The following PTAFR variants were observed in gnomAD, a reference collection of about 807,000 sequenced individuals.
The protein encoded by PTAFR is platelet activating factor receptor.
Under a neutral mutation model 14.7 loss-of-function variants are expected in PTAFR, and 8 were observed. The observed-to-expected ratio is 0.54, with a 90% confidence interval of 0.32 to 0.98. PTAFR has a LOEUF of 0.98. Ranked by LOEUF, PTAFR falls within the 50% of genes least tolerant of loss-of-function variation. The pLI is 0.04. For synonymous variants in PTAFR, 156 were observed against 176.5 expected (o/e 0.88, Z 0.92); for missense variants, 337 against 451.2 (o/e 0.75, Z 2.29).
intron 1 of PTAFR, among the ~76,000 whole-genome samples, chr1:28,154,614 C>A (rs573325643): frequency 1.3e-5 from 2 of 152,064 alleles, no homozygotes; most frequent in Admixed American, 1.3e-4. Flanking sequence ...GAGTTCGAGA[C>A]CAGCCTGGGC....
chr1:28,175,649 C>T (rs1646504997), intron 1 of PTAFR, among the ~76,000 whole-genome samples: 1 of 151,940 alleles, frequency 6.6e-6, no homozygotes, highest in South Asian at 2.1e-4. Flanking sequence ...GTCCCCAGCA[C>T]CTGGGACCTG....
chr1:28,180,637 G>A (rs1018328257), upstream of PTAFR, among the ~76,000 whole-genome samples: 1 of 152,140 alleles, frequency 6.6e-6, no homozygotes, highest in African/African-American at 2.4e-5. Context: ...GTCTGGAGGA[G>A]AAAGCAGAAG....
chr1:28,192,777 G>A (rs1221756759), intron 1 of PTAFR, among the ~76,000 whole-genome samples: 2 of 151,862 alleles, frequency 1.3e-5, no homozygotes, highest in Non-Finnish European at 2.9e-5. Flanking sequence ...CTCCCAAGTA[G>A]CTGGGATTAC....
intron 1 of PTAFR, among the ~76,000 whole-genome samples, chr1:28,168,125 ATT>A (rs139930851): frequency 0.071 from 8,929 of 126,446 alleles, 713 homozygotes; most frequent in African/African-American, 0.21. Flanking sequence ...CACCCGGCTA[ATT>A]TTTTTTTTTT....
At chr1:28,163,496 G>C (rs1646348551) in intron 1 of PTAFR, among the ~76,000 whole-genome samples, 1 of 152,174 alleles carries the variant, frequency 6.6e-6, no homozygotes, top group Non-Finnish European at 1.5e-5. Flanking sequence ...GGGGTGGAGT[G>C]GGTTAGGGAG....
intron 1 of PTAFR, among the ~76,000 whole-genome samples, chr1:28,173,239 G>A (rs1223456306): frequency 1.4e-5 from 2 of 139,028 alleles, no homozygotes; most frequent in East Asian, 2.2e-4. Context: ...AGTGAGTCAC[G>A]ATCATGCCAC....
intron 1 of PTAFR, among the ~76,000 whole-genome samples, chr1:28,173,312 G>A (rs1259075029): frequency 1.1e-5 from 1 of 91,092 alleles, no homozygotes; most frequent in Non-Finnish European, 2.2e-5. Context: ...GGGGGGGTGT[G>A]CGGGGGGTGT....
intron 1 of PTAFR, among the ~76,000 whole-genome samples, chr1:28,172,626 T>C (rs1465644558): frequency 6.6e-6 from 1 of 152,180 alleles, no homozygotes; most frequent in Non-Finnish European, 1.5e-5. Flanking sequence ...CCTGCTGTCC[T>C]CAGAAAATGT....
At position 28,153,748 on chromosome 1, in the gene PTAFR, C is replaced by T. The variant is rs35556814; in HGVS notation, c.-38-2689G>A. On this transcript the variant is annotated intron_variant, in intron 1 of 1. Coordinates refer to ENST00000373857, the MANE Select transcript of PTAFR (RefSeq NM_000952.5). Reference sequence around the variant, plus strand: ...ACTAAAAATACAAAAATTAGCTGGGCGTGGTGGTGGGTGCCTGTAGTCCCA... The same window carrying T: ...ACTAAAAATACAAAAATTAGCTGGGTGTGGTGGTGGGTGCCTGTAGTCCCA... Among the ~76,000 whole-genome samples, 352 of 151,990 alleles carry T rather than the reference C, an allele frequency of 2.3e-3. 4 individuals carry two copies. The highest frequency in any genetic ancestry group is 4.2e-3 in the Non-Finnish European group (283 of 67,980).
intron 1 of PTAFR, among the ~76,000 whole-genome samples, chr1:28,175,721 C>G (rs66874503): frequency 0.016 from 2,384 of 152,178 alleles, 34 homozygotes; most frequent in African/African-American, 0.032. Context: ...TTCAGCACCC[C>G]CTTCCCCACC....
intron 1 of PTAFR, among the ~76,000 whole-genome samples, chr1:28,170,847 A>C (rs1557693350): frequency 6.6e-6 from 1 of 151,886 alleles, no homozygotes; most frequent in Non-Finnish European, 1.5e-5. Flanking sequence ...AAAAATACAA[A>C]AAATTAGCTG....
intron 1 of PTAFR, among the ~76,000 whole-genome samples, chr1:28,168,051 C>G (rs1190123353): frequency 2.7e-5 from 4 of 146,442 alleles, no homozygotes; most frequent in Non-Finnish European, 5.9e-5. Context: ...CTCCGCCTCC[C>G]GGGTTCACGC....
At chr1:28,155,577 G>A (rs1646254991) in intron 1 of PTAFR, among the ~76,000 whole-genome samples, 1 of 152,132 alleles carries the variant, frequency 6.6e-6, no homozygotes, top group African/African-American at 2.4e-5. Context: ...ACTGCTTTAG[G>A]GAGGTCTTCA....
chr1:28,180,450 T>C (rs1247116606), upstream of PTAFR, among the ~76,000 whole-genome samples: 1 of 152,138 alleles, frequency 6.6e-6, no homozygotes, highest in African/African-American at 2.4e-5. Context: ...AGGAAATAAA[T>C]ACTCAAACCT....
intron 1 of PTAFR, among the ~76,000 whole-genome samples, chr1:28,182,471 T>C (rs527617998): frequency 2.0e-5 from 3 of 151,630 alleles, no homozygotes; most frequent in African/African-American, 7.3e-5. Flanking sequence ...GACAGGAGTT[T>C]GAGACCAGCC....
chr1:28,160,878 C>T (rs983984403), intron 1 of PTAFR, among the ~76,000 whole-genome samples: 3 of 152,186 alleles, frequency 2.0e-5, no homozygotes, highest in Admixed American at 6.5e-5. Flanking sequence ...ATCCCAGGCT[C>T]CTGGCCCCCA....
At chr1:28,153,853 A>G (rs1296803028) in intron 1 of PTAFR, among the ~76,000 whole-genome samples, 2 of 151,388 alleles carry the variant, frequency 1.3e-5, no homozygotes, top group Non-Finnish European at 2.9e-5. Context: ...GTGCCACCGC[A>G]CTCCAGACTG....
chr1:28,150,347 T>C lies in PTAFR; in HGVS notation c.675A>G (p.Glu225=). 1 of 1,614,110 alleles carries C rather than the reference T, an allele frequency of 6.2e-7. No homozygotes were observed. The highest frequency in any genetic ancestry group is 8.5e-7 in the Non-Finnish European group (1 of 1,179,974). Reference sequence around the variant, plus strand: ...CCATCCACAGCGCCCGGCGCTTGACTTCAGCGTTGCGCTGCTGCTGCACCG... The same window carrying C: ...CCATCCACAGCGCCCGGCGCTTGACCTCAGCGTTGCGCTGCTGCTGCACCG... ...MQPVQQQRNA[E]VKRRALWMVC... Residue 225 remains glutamate, a synonymous_variant, in exon 2 of 2, where the codon GAA becomes GAG. Coordinates refer to ENST00000373857, the MANE Select transcript of PTAFR (RefSeq NM_000952.5). The surrounding 1 kb of genome is among the most constrained non-coding windows in gnomAD (Gnocchi z 6.3).
At chr1:28,159,514 G>A (rs1271876256) in intron 1 of PTAFR, among the ~76,000 whole-genome samples, 5 of 152,102 alleles carry the variant, frequency 3.3e-5, no homozygotes, top group African/African-American at 1.2e-4. Flanking sequence ...AGTGATAGGA[G>A]AGAAAGGGGA....
Sources: allele counts gnomAD v4.1 joint callset (sites outside exome capture counted in the v4.1 genomes callset), GRCh38; gene constraint gnomAD v4.1.1; non-coding constraint Gnocchi (gnomAD v3.1); transcripts MANE v1.5; gene names NCBI Gene and HGNC (gene_info 2026-07-23, HGNC 2026-07-21).